PRKAR2B: variants seen among roughly 807,000 people sequenced by gnomAD.
PRKAR2B encodes cAMP-dependent protein kinase type II-beta regulatory subunit.
A neutral mutation model predicts 49.9 loss-of-function variants in PRKAR2B; 14 were observed. That is an observed-to-expected ratio of 0.28 (90% CI 0.19 to 0.44). The LOEUF (loss-of-function observed/expected upper bound fraction) is 0.44, where lower values mean the gene tolerates loss of function less well. Among genes scored for constraint, PRKAR2B ranks in the 20% least tolerant of loss-of-function variants. PRKAR2B has a pLI of 1.00. For missense variants in PRKAR2B, 393 were observed against 537.9 expected (o/e 0.73, Z 2.67); for synonymous variants, 196 against 197.7 (o/e 0.99, Z 0.07).
At chr7:107,086,486 C>CT (rs200022519) in intron 2 of PRKAR2B, among the ~76,000 whole-genome samples, 7,320 of 148,584 alleles carry the variant, frequency 0.049, 247 homozygotes, top group Non-Finnish European at 0.07. Flanking sequence ...TCAGAAATGT[C>CT]TTTTTTTTTT....
intron 2 of PRKAR2B, among the ~76,000 whole-genome samples, chr7:107,098,612 A>C (rs933884230): frequency 6.6e-6 from 1 of 152,146 alleles, no homozygotes; most frequent in African/African-American, 2.4e-5. Context: ...TAGAATCGTT[A>C]GCTTTTCTGC....
intron 10 of PRKAR2B, among the ~76,000 whole-genome samples, chr7:107,157,810 G>C (rs190390917): frequency 6.6e-6 from 1 of 152,182 alleles, no homozygotes; most frequent in Non-Finnish European, 1.5e-5. Flanking sequence ...TATTTTACCA[G>C]AGTAGCTTGG....
At chr7:107,136,542 C>CA (rs1412638381) in intron 4 of PRKAR2B, among the ~76,000 whole-genome samples, 3 of 152,130 alleles carry the variant, frequency 2.0e-5, no homozygotes, top group African/African-American at 7.2e-5. Flanking sequence ...AAATGGCACA[C>CA]AAGCATATGA....
chr7:107,075,250 A>C (rs1010919596), intron 2 of PRKAR2B, among the ~76,000 whole-genome samples: 10 of 151,592 alleles, frequency 6.6e-5, no homozygotes, highest in African/African-American at 2.2e-4. Context: ...CTACAGCTGC[A>C]CACCACCATG....
At chr7:107,114,348 G>A (rs1795229809) in intron 2 of PRKAR2B, among the ~76,000 whole-genome samples, 2 of 145,406 alleles carry the variant, frequency 1.4e-5, no homozygotes, top group Admixed American at 6.8e-5. Flanking sequence ...GTGTGTGTGT[G>A]TGTGTGTGTG....
chr7:107,048,773 GCTTT>G (rs1446426731), intron 1 of PRKAR2B, among the ~76,000 whole-genome samples: 9 of 152,108 alleles, frequency 5.9e-5, no homozygotes, highest in Non-Finnish European at 1.2e-4. Context: ...TCTTCTAATA[GCTTT>G]CTTTTCCCTC....
intron 2 of PRKAR2B, among the ~76,000 whole-genome samples, chr7:107,076,008 A>G (rs1023432445): frequency 2.7e-5 from 4 of 150,390 alleles, no homozygotes; most frequent in Non-Finnish European, 5.9e-5. Context: ...GGAACTCTGA[A>G]TTTTTTTTTT....
intron 2 of PRKAR2B, among the ~76,000 whole-genome samples, chr7:107,100,140 C>T (rs1794931370): frequency 6.6e-6 from 1 of 151,856 alleles, no homozygotes; most frequent in Non-Finnish European, 1.5e-5. Context: ...AGTATCATTT[C>T]CTTTTAGCCT....
At chr7:107,119,782 C>T (rs1463578748) in intron 2 of PRKAR2B, among the ~76,000 whole-genome samples, 3 of 152,144 alleles carry the variant, frequency 2.0e-5, no homozygotes, top group Non-Finnish European at 2.9e-5. Context: ...TTGTGCTGGT[C>T]CCATCCTTCA....
chr7:107,122,585 C>T (rs1258785672), intron 3 of PRKAR2B, among the ~76,000 whole-genome samples: 1 of 152,126 alleles, frequency 6.6e-6, no homozygotes, highest in Non-Finnish European at 1.5e-5. Flanking sequence ...GATGACTATG[C>T]CTGGAAATGG....
At chr7:107,138,089 A>G (rs182425956) in intron 4 of PRKAR2B, among the ~76,000 whole-genome samples, 12 of 151,214 alleles carry the variant, frequency 7.9e-5, no homozygotes, top group Admixed American at 3.9e-4. Flanking sequence ...TCATCTCTTT[A>G]TTGACTTTTT....
intron 2 of PRKAR2B, among the ~76,000 whole-genome samples, chr7:107,074,573 C>T (rs145257565): frequency 0.011 from 1,661 of 151,836 alleles, 34 homozygotes; most frequent in African/African-American, 0.038. Flanking sequence ...CTGAGGTGAG[C>T]GGATTACCTG....
chr7:107,048,078 C>T (rs534471070), intron 1 of PRKAR2B, among the ~76,000 whole-genome samples: 3 of 152,300 alleles, frequency 2.0e-5, no homozygotes, highest in East Asian at 1.9e-4. Flanking sequence ...CAGTGTTTCA[C>T]GTGAGCTGCA....
rs554210214 is a variant in PRKAR2B, at chr7:107,085,947, A to C, written c.343+15631A>C. 1.7e-4 allele frequency among the ~76,000 whole-genome samples: 26 copies of C among 152,346 alleles called. No individual in the cohort carries two copies. In the South Asian group the frequency reaches 4.8e-3, roughly 28 times the overall value. The stretch of plus-strand genomic sequence containing the variant: ...AATCAAAGAAGCATGAAATTTGAGC[A>C]TGTGAAATTTGTATAGGCATTGTCA... On this transcript the variant is annotated intron_variant, in intron 2 of 10. Transcript: ENST00000265717.
chr7:107,060,570 T>A (rs1562842821), intron 1 of PRKAR2B, among the ~76,000 whole-genome samples: 1 of 152,142 alleles, frequency 6.6e-6, no homozygotes, highest in Non-Finnish European at 1.5e-5. Flanking sequence ...TCTGGCTGAT[T>A]GTGTTTTTCT....
intron 6 of PRKAR2B, among the ~76,000 whole-genome samples, chr7:107,149,017 C>T (rs1240278384): frequency 6.6e-6 from 1 of 152,164 alleles, no homozygotes; most frequent in Non-Finnish European, 1.5e-5. Context: ...CTCTGTTTTG[C>T]AATAACCGCT....
At chr7:107,070,631 C>A (rs1044875249) in intron 2 of PRKAR2B, among the ~76,000 whole-genome samples, 1 of 152,120 alleles carries the variant, frequency 6.6e-6, no homozygotes, top group Admixed American at 6.6e-5. Context: ...GATAGAATTA[C>A]GATCTGTATG....
At chr7:107,109,537 C>G (rs776442184) in intron 2 of PRKAR2B, among the ~76,000 whole-genome samples, 10 of 151,850 alleles carry the variant, frequency 6.6e-5, no homozygotes, top group Non-Finnish European at 1.2e-4. Context: ...TGTGGAACTA[C>G]AGACATGAGC....
At chr7:107,145,901 G>A (rs185859327) in intron 5 of PRKAR2B, among the ~76,000 whole-genome samples, 124 of 151,378 alleles carry the variant, frequency 8.2e-4, no homozygotes, top group African/African-American at 2.9e-3. Context: ...CATCACACCC[G>A]GCTAATATTT....
Sources: gnomAD v4.1 joint callset for allele counts (sites outside exome capture counted in the v4.1 genomes callset) on GRCh38, gnomAD v4.1.1 for gene constraint, MANE v1.5 for transcripts, NCBI Gene and HGNC (gene_info 2026-07-23, HGNC 2026-07-21) for gene names.